Variants in EML4 observed in about 807,000 individuals in gnomAD.
EML4 encodes echinoderm microtubule-associated protein-like 4.
Under a neutral mutation model 129.0 loss-of-function variants are expected in EML4, and 72 were observed. The ratio of observed to expected loss-of-function variants is 0.56; its 90% CI spans 0.46 to 0.68. EML4 has a LOEUF of 0.68. Among genes scored for constraint, EML4 ranks in the 30% least tolerant of loss-of-function variants. EML4 has a pLI of 0.00. For missense variants in EML4, 1,363 were observed against 1,190.6 expected (o/e 1.14, Z -2.13); for synonymous variants, 532 against 405.0 (o/e 1.31, Z -3.77).
intron 1 of EML4, among the ~76,000 whole-genome samples, chr2:42,242,109 G>A (rs1036594325): frequency 6.6e-6 from 1 of 151,768 alleles, no homozygotes; most frequent in Non-Finnish European, 1.5e-5. Context: ...TTTGCTGAAG[G>A]TAAGTTACCA....
intron 1 of EML4, 43 bp downstream of exon 1, chr2:42,169,679 G>A: frequency 1.3e-6 from 2 of 1,589,358 alleles, no homozygotes; most frequent in African/African-American, 1.4e-5. Context: ...CGAAGGGTAG[G>A]AACTTTTTTC....
chr2:42,297,703 A>G (rs997985048), intron 13 of EML4, among the ~76,000 whole-genome samples: 2 of 152,164 alleles, frequency 1.3e-5, no homozygotes, highest in African/African-American at 2.4e-5. Flanking sequence ...TCCAATTTAC[A>G]TATTCCCAAC....
intron 1 of EML4, among the ~76,000 whole-genome samples, chr2:42,175,276 G>A (rs893963908): frequency 2.0e-5 from 3 of 151,820 alleles, no homozygotes; most frequent in African/African-American, 7.3e-5. Context: ...ACCACACCTG[G>A]CTAATTTTTT....
At chr2:42,246,342 T>C (rs1675400150) in intron 2 of EML4, among the ~76,000 whole-genome samples, 1 of 152,228 alleles carries the variant, frequency 6.6e-6, no homozygotes, top group Non-Finnish European at 1.5e-5. Context: ...ACATATCATT[T>C]GATGTCTCTT....
At chr2:42,200,492 T>C (rs1009422096) in intron 1 of EML4, among the ~76,000 whole-genome samples, 1 of 152,234 alleles carries the variant, frequency 6.6e-6, no homozygotes, top group Admixed American at 6.5e-5. Context: ...TTGTTAGGTA[T>C]TGTGGTTGTC....
intron 1 of EML4, among the ~76,000 whole-genome samples, chr2:42,244,522 G>T (rs576719967): frequency 1.3e-5 from 2 of 152,292 alleles, no homozygotes; most frequent in East Asian, 3.9e-4. Flanking sequence ...TATTTGAATA[G>T]TCTTTCTCTT....
chr2:42,252,665 C>T (rs1675857274), intron 2 of EML4, among the ~76,000 whole-genome samples: 2 of 152,164 alleles, frequency 1.3e-5, no homozygotes, highest in Admixed American at 6.5e-5. Flanking sequence ...CACTCAATGC[C>T]GCAAATACAT....
chr2:42,277,462 CCATAGTGTGGG>C (rs1666719935), intron 6 of EML4, among the ~76,000 whole-genome samples: 1 of 152,154 alleles, frequency 6.6e-6, no homozygotes, highest in African/African-American at 2.4e-5. Context: ...GATGTTGAAA[CCATAGTGTGGG>C]AGGCCTTAGC....
intron 6 of EML4, among the ~76,000 whole-genome samples, chr2:42,269,259 A>T (rs1332585458): frequency 6.6e-6 from 1 of 152,248 alleles, no homozygotes; most frequent in East Asian, 1.9e-4. Flanking sequence ...CAAATAATTT[A>T]AAAATAAATA....
chr2:42,326,797 G>C (rs1669832728), intron 21 of EML4, among the ~76,000 whole-genome samples: 1 of 152,294 alleles, frequency 6.6e-6, no homozygotes, highest in Non-Finnish European at 1.5e-5. Flanking sequence ...CAGGAGAACT[G>C]CTTGAACCTG....
At chr2:42,297,136 A>G (rs983868058) in intron 13 of EML4, among the ~76,000 whole-genome samples, 9 of 152,186 alleles carry the variant, frequency 5.9e-5, no homozygotes, top group Non-Finnish European at 8.8e-5. Context: ...CACGAGAAGA[A>G]TGGCAGTGGG....
At chr2:42,288,391 T>C (rs1485222647) in intron 11 of EML4, 69 bp downstream of exon 11, 4 of 794,112 alleles carry the variant, frequency 5.0e-6, no homozygotes, top group Admixed American at 4.3e-5. Flanking sequence ...TTTGGAACTA[T>C]ATTGGTATTA....
intron 2 of EML4, among the ~76,000 whole-genome samples, chr2:42,247,674 T>G (rs1675501728): frequency 6.6e-6 from 1 of 152,084 alleles, no homozygotes; most frequent in South Asian, 2.1e-4. Flanking sequence ...TTTATTTATT[T>G]ATTTATTTAT....
intron 3 of EML4, among the ~76,000 whole-genome samples, chr2:42,259,931 CA>C (rs1490615601): frequency 6.6e-6 from 1 of 151,750 alleles, no homozygotes; most frequent in African/African-American, 2.4e-5. Context: ...GGGATTTCAC[CA>C]TGTTAGGCAG....
chr2:42,321,416 A>T (rs1481977879), intron 19 of EML4, among the ~76,000 whole-genome samples: 2 of 152,064 alleles, frequency 1.3e-5, no homozygotes, highest in Non-Finnish European at 2.9e-5. Context: ...TATTCACTTG[A>T]ACACATCAGG....
At chr2:42,264,425 A>T (rs988265712) in intron 5 of EML4, among the ~76,000 whole-genome samples, 2 of 152,164 alleles carry the variant, frequency 1.3e-5, no homozygotes, top group Non-Finnish European at 2.9e-5. Context: ...GCCAAATAAT[A>T]AATCTTAATA....
At chr2:42,264,106 T>TTG (rs1356649033) in intron 5 of EML4, among the ~76,000 whole-genome samples, 2 of 60,924 alleles carry the variant, frequency 3.3e-5, no homozygotes, top group East Asian at 6.6e-4. Context: ...AATACGTGTT[T>TTG]TTTTTTTTTT....
chr2:42,245,094 C>CTTTTT (rs56808218), intron 1 of EML4, among the ~76,000 whole-genome samples: 3,432 of 66,400 alleles, frequency 0.052, 698 homozygotes, highest in Middle Eastern at 0.11. Context: ...AATTTTCTTT[C>CTTTTT]TTTTTTTTTT....
chr2:42,307,009 G>T (rs1668643786), intron 17 of EML4, among the ~76,000 whole-genome samples: 1 of 152,134 alleles, frequency 6.6e-6, no homozygotes, highest in Non-Finnish European at 1.5e-5. Flanking sequence ...TGTTAGGAAG[G>T]TTTATCTTTG....
Sources: gnomAD v4.1 joint callset for allele counts (sites outside exome capture counted in the v4.1 genomes callset) on GRCh38, gnomAD v4.1.1 for gene constraint, MANE v1.5 for transcripts, NCBI Gene and HGNC (gene_info 2026-07-23, HGNC 2026-07-21) for gene names.